The following CEP112 variants were observed in gnomAD, a reference collection of about 807,000 sequenced individuals.
The protein encoded by CEP112 is centrosomal protein of 112 kDa.
A neutral mutation model predicts 153.0 loss-of-function variants in CEP112; 127 were observed. The ratio of observed to expected loss-of-function variants is 0.83; its 90% CI spans 0.72 to 0.96. The LOEUF (loss-of-function observed/expected upper bound fraction) is 0.96, where lower values mean the gene tolerates loss of function less well. CEP112 is among the 40% of genes least tolerant of loss of function. The pLI, the probability that CEP112 is intolerant of heterozygous loss-of-function variation, is 0.00. For synonymous variants in CEP112, 358 were observed against 374.4 expected (o/e 0.96, Z 0.51); for missense variants, 1,089 against 1,101.2 (o/e 0.99, Z 0.16).
chr17:65,844,602 T>C (rs2057651464), intron 21 of CEP112, among the ~76,000 whole-genome samples: 1 of 150,352 alleles, frequency 6.7e-6, no homozygotes, highest in African/African-American at 2.5e-5. Flanking sequence ...GGAGAATCGC[T>C]TGAACCCGCA....
chr17:65,728,508 G>A (rs1598412463), intron 23 of CEP112, among the ~76,000 whole-genome samples: 1 of 152,100 alleles, frequency 6.6e-6, no homozygotes, highest in African/African-American at 2.4e-5. Flanking sequence ...ATAGGGCCTG[G>A]AGCTGTGAGT....
At chr17:65,919,349 G>C (rs796844755) in intron 19 of CEP112, among the ~76,000 whole-genome samples, 2 of 152,082 alleles carry the variant, frequency 1.3e-5, no homozygotes, top group African/African-American at 4.8e-5. Context: ...ACTCCCCCGG[G>C]GATCACCTTA....
intron 23 of CEP112, among the ~76,000 whole-genome samples, chr17:65,726,228 A>G (rs1326525433): frequency 1.3e-5 from 2 of 151,972 alleles, no homozygotes; most frequent in African/African-American, 4.8e-5. Context: ...AATCCAAGCT[A>G]CTTGGGAGGC....
intron 21 of CEP112, among the ~76,000 whole-genome samples, chr17:65,797,871 C>G (rs137923570): frequency 1.0e-3 from 155 of 152,120 alleles, no homozygotes; most frequent in African/African-American, 3.6e-3. Context: ...TGTTCTTGAC[C>G]CTGATAAATC....
chr17:65,865,788 G>A (rs567621824), intron 20 of CEP112, among the ~76,000 whole-genome samples: 3 of 152,318 alleles, frequency 2.0e-5, no homozygotes, highest in East Asian at 1.9e-4. Flanking sequence ...CTCCTGGGAG[G>A]CCCCTGGAGC....
chr17:65,951,198 T>C (rs2061817449), intron 18 of CEP112, among the ~76,000 whole-genome samples: 1 of 152,194 alleles, frequency 6.6e-6, no homozygotes, highest in South Asian at 2.1e-4. Context: ...CATAGTTTAC[T>C]AGTGAAATAT....
At chr17:66,129,861 GAAAGATGGAAGAAATAAAAGGA>G (rs769255018) in intron 5 of CEP112, 38 bp from the exon 6 acceptor site, 2 of 1,277,766 alleles carry the variant, frequency 1.6e-6, no homozygotes, top group Middle Eastern at 1.9e-4. Flanking sequence ...GGAGAGGAAG[GAAAGATGGAAGAAATAAAAGGA>G]AAAGATGGAA....
chr17:66,010,080 T>C (rs1376427700), intron 16 of CEP112, among the ~76,000 whole-genome samples: 1 of 152,226 alleles, frequency 6.6e-6, no homozygotes, highest in Non-Finnish European at 1.5e-5. Flanking sequence ...ATATTGATTC[T>C]TCCTATCCAT....
intron 24 of CEP112, among the ~76,000 whole-genome samples, chr17:65,642,997 C>A (rs9896420): frequency 0.44 from 67,128 of 152,054 alleles, 15,094 homozygotes; most frequent in Middle Eastern, 0.57. Flanking sequence ...CTCCCTATTT[C>A]TTTCCCTTAT....
At position 65,854,133 on chromosome 17, in the gene CEP112, G is replaced by T. The variant is rs984683587; in HGVS notation, c.2164-2099C>A. Among the ~76,000 whole-genome samples the T allele has an allele frequency of 7.4e-4, 112 of 152,196 alleles. 1 individual carries two copies. Among genetic ancestry groups the T allele is most frequent in the African/African-American group, 2.4e-3 (101 of 41,522 alleles). On this transcript the variant is annotated intron_variant, in intron 20 of 26. Transcript: ENST00000535342. Reference sequence around the variant, plus strand: ...ATAAATGTTTCATTTCATGCCTAATGTATGTTCAACAAGCACAGCCTAAAC... The same window carrying T: ...ATAAATGTTTCATTTCATGCCTAATTTATGTTCAACAAGCACAGCCTAAAC...
Position 65,655,848 on chromosome 17 carries a change from C to T in CEP112, c.2698-14783G>A, listed in dbSNP as rs190234758. On this transcript the variant is annotated intron_variant, in intron 24 of 26. Transcript: ENST00000535342. ...CAGTATTTTGCATATAAGCAATACC[C>T]TTTACTTCCTGATGGAGATGGAAAA... is the stretch of plus-strand genomic sequence containing the variant. Among the ~76,000 whole-genome samples the T allele has an allele frequency of 5.1e-3, 775 of 152,258 alleles. 8 individuals carry two copies. Among genetic ancestry groups the T allele is most frequent in the African/African-American group, 0.018 (744 of 41,548 alleles).
chr17:65,972,202 T>C (rs2062867198), intron 17 of CEP112, among the ~76,000 whole-genome samples: 1 of 152,218 alleles, frequency 6.6e-6, no homozygotes, highest in Admixed American at 6.5e-5. Flanking sequence ...GCAATGCATA[T>C]TTTGTGATCA....
At chr17:65,818,457 T>TC in intron 21 of CEP112, among the ~76,000 whole-genome samples, 1 of 151,816 alleles carries the variant, frequency 6.6e-6, no homozygotes, top group Middle Eastern at 3.4e-3. Flanking sequence ...TCCTTACTAC[T>TC]CCCCCACCAT....
intron 20 of CEP112, among the ~76,000 whole-genome samples, chr17:65,874,554 C>A (rs2058762594): frequency 6.6e-6 from 1 of 152,062 alleles, no homozygotes; most frequent in African/African-American, 2.4e-5. Context: ...CATGTATTGG[C>A]AAATTTTCTC....
At chr17:65,933,836 T>G (rs1326626404) in intron 18 of CEP112, among the ~76,000 whole-genome samples, 2 of 152,228 alleles carry the variant, frequency 1.3e-5, no homozygotes, top group Non-Finnish European at 2.9e-5. Context: ...TAAAGCAATT[T>G]TATCTCTAGT....
rs534544163 is a variant in CEP112 at position 66,050,334 on chromosome 17, C to A, written c.1218+3402G>T. Among the ~76,000 whole-genome samples, 14 of 152,204 alleles carry A rather than the reference C, an allele frequency of 9.2e-5. No individual in the cohort carries two copies. The East Asian group carries it at 2.5e-3, about 27-fold the overall frequency. ...ATGGGGAGAGGATGTCAGTGTTTTA[C>A]AATTTGGACACTCAAAGGATTCTAG... On this transcript the variant is annotated intron_variant, in intron 12 of 26. Transcript: ENST00000535342.
intron 12 of CEP112, among the ~76,000 whole-genome samples, chr17:66,049,346 T>C (rs1026992646): frequency 2.5e-4 from 38 of 152,328 alleles, no homozygotes; most frequent in Admixed American, 1.2e-3. Context: ...AATAATATTA[T>C]CACCTATATT....
chr17:65,918,257 G>C (rs1288496034), intron 19 of CEP112, among the ~76,000 whole-genome samples: 1 of 151,744 alleles, frequency 6.6e-6, no homozygotes, highest in African/African-American at 2.4e-5. Context: ...GTAATGACTA[G>C]AATATTTGCA....
intron 23 of CEP112, among the ~76,000 whole-genome samples, chr17:65,719,913 T>C (rs934952445): frequency 2.0e-5 from 3 of 151,928 alleles, no homozygotes; most frequent in African/African-American, 7.3e-5. Context: ...ACTCTGGATG[T>C]GGTGTGGAGG....
Sources: allele counts gnomAD v4.1 joint callset (sites outside exome capture counted in the v4.1 genomes callset), GRCh38; gene constraint gnomAD v4.1.1; transcripts MANE v1.5; gene names NCBI Gene and HGNC (gene_info 2026-07-23, HGNC 2026-07-21).